RBFOX1: variants seen among roughly 807,000 people sequenced by gnomAD.
The protein encoded by RBFOX1 is RNA binding fox-1 homolog 1.
In RBFOX1, 8 loss-of-function variants were observed where a neutral mutation model predicts 57.7. That is an observed-to-expected ratio of 0.14 (90% CI 0.08 to 0.25). The LOEUF (loss-of-function observed/expected upper bound fraction) is 0.25. Ranked by LOEUF, RBFOX1 falls within the 10% of genes least tolerant of loss-of-function variation. RBFOX1 has a pLI of 1.00. For synonymous variants in RBFOX1, 326 were observed against 222.4 expected (o/e 1.47, Z -4.15); for missense variants, 611 against 548.5 (o/e 1.11, Z -1.14).
chr16:6,929,352 A>T (rs1201628858), intron 3 of RBFOX1, among the ~76,000 whole-genome samples: 1 of 152,186 alleles, frequency 6.6e-6, no homozygotes, highest in African/African-American at 2.4e-5. Context: ...GAATATAGGC[A>T]AGGTTAGAAT....
At chr16:5,246,053 G>A (rs1319700644) in intron 1 of RBFOX1, among the ~76,000 whole-genome samples, 1 of 152,120 alleles carries the variant, frequency 6.6e-6, no homozygotes, top group East Asian at 1.9e-4. Context: ...AGACCAGCCT[G>A]GCCAACATGG....
chr16:7,031,304 G>C (rs899911094), intron 3 of RBFOX1, among the ~76,000 whole-genome samples: 2 of 152,134 alleles, frequency 1.3e-5, no homozygotes, highest in African/African-American at 4.8e-5. Context: ...AGAGATAAAA[G>C]CAGTATCATG....
At chr16:7,705,048 GAAAAA>G (rs36086189) in intron 14 of RBFOX1, among the ~76,000 whole-genome samples, 6 of 129,848 alleles carry the variant, frequency 4.6e-5, no homozygotes, top group African/African-American at 1.4e-4. Flanking sequence ...TGTCTCAAAA[GAAAAA>G]AAAAAAAAAA....
intron 3 of RBFOX1, among the ~76,000 whole-genome samples, chr16:5,841,593 A>C (rs1435841791): frequency 6.6e-6 from 1 of 152,208 alleles, no homozygotes; most frequent in Non-Finnish European, 1.5e-5. Context: ...TAGCATAAGT[A>C]TATCTTTTCC....
chr16:6,146,922 C>A (rs1021774756), intron 1 of RBFOX1, among the ~76,000 whole-genome samples: 2 of 152,160 alleles, frequency 1.3e-5, no homozygotes, highest in African/African-American at 4.8e-5. Flanking sequence ...AGCATGGCAT[C>A]ACGTGGCTCT....
chr16:6,123,957 C>T (rs1029147824), intron 1 of RBFOX1, among the ~76,000 whole-genome samples: 2 of 152,086 alleles, frequency 1.3e-5, no homozygotes, highest in African/African-American at 4.8e-5. Flanking sequence ...GAAAAAAATA[C>T]AAGGAGAAAA....
At chr16:5,839,441 T>A (rs564079358) in intron 3 of RBFOX1, among the ~76,000 whole-genome samples, 1 of 152,300 alleles carries the variant, frequency 6.6e-6, no homozygotes, top group African/African-American at 2.4e-5. Flanking sequence ...CCTATTGGCA[T>A]TATCTGGTCC....
chr16:5,631,253 A>G (rs2048497275), intron 3 of RBFOX1, among the ~76,000 whole-genome samples: 1 of 152,176 alleles, frequency 6.6e-6, no homozygotes, highest in Non-Finnish European at 1.5e-5. Flanking sequence ...TCCAATCCTC[A>G]TGCACATTTA....
chr16:7,335,625 G>A (rs1429111297), intron 4 of RBFOX1, among the ~76,000 whole-genome samples: 1 of 147,044 alleles, frequency 6.8e-6, no homozygotes, highest in East Asian at 2.0e-4. Context: ...TGATTTACCA[G>A]TCATTTGGTG....
At chr16:6,571,983 G>A (rs1167895191) in intron 2 of RBFOX1, among the ~76,000 whole-genome samples, 1 of 152,088 alleles carries the variant, frequency 6.6e-6, no homozygotes, top group African/African-American at 2.4e-5. Flanking sequence ...ACAATTTGGT[G>A]ATAGCCTTTC....
At chr16:6,553,653 A>G (rs575623583) in intron 2 of RBFOX1, among the ~76,000 whole-genome samples, 7 of 152,180 alleles carry the variant, frequency 4.6e-5, no homozygotes, top group Non-Finnish European at 7.3e-5. Flanking sequence ...TCAGGACAGG[A>G]TGATAGAAAA....
chr16:7,480,016 TC>T (rs1224584981), intron 4 of RBFOX1, among the ~76,000 whole-genome samples: 2 of 152,166 alleles, frequency 1.3e-5, no homozygotes, highest in Non-Finnish European at 2.9e-5. Context: ...AGCCTGATGT[TC>T]CCCACCGATG....
At chr16:6,620,219 A>T (rs1482489626) in intron 2 of RBFOX1, among the ~76,000 whole-genome samples, 1 of 152,208 alleles carries the variant, frequency 6.6e-6, no homozygotes, top group Non-Finnish European at 1.5e-5. Context: ...GTTACATGGA[A>T]ATTGAATAAC....
chr16:7,585,662 A>T (rs2094072662), intron 6 of RBFOX1, among the ~76,000 whole-genome samples: 1 of 152,100 alleles, frequency 6.6e-6, no homozygotes, highest in African/African-American at 2.4e-5. Context: ...AACTATTTTT[A>T]TTTCAAGATT....
chr16:6,324,647 C>T (rs933674928), intron 2 of RBFOX1, among the ~76,000 whole-genome samples: 8 of 152,176 alleles, frequency 5.3e-5, no homozygotes, highest in African/African-American at 1.4e-4. Context: ...AAACTGCCCC[C>T]ATGATTTAAT....
chr16:6,666,321 G>A (rs952554095), intron 3 of RBFOX1, among the ~76,000 whole-genome samples: 2 of 152,104 alleles, frequency 1.3e-5, no homozygotes, highest in African/African-American at 4.8e-5. Flanking sequence ...ATCACCTGAG[G>A]TCAGGAGTTT....
chr16:7,254,563 C>T (rs1158691452), intron 4 of RBFOX1, among the ~76,000 whole-genome samples: 1 of 151,932 alleles, frequency 6.6e-6, no homozygotes, highest in Non-Finnish European at 1.5e-5. Context: ...TGTACCAACT[C>T]ATCATTGTGT....
chr16:5,883,310 ATC>A (rs1484927060), intron 4 of RBFOX1, among the ~76,000 whole-genome samples: 1 of 152,200 alleles, frequency 6.6e-6, no homozygotes, highest in Non-Finnish European at 1.5e-5. Context: ...AATCAGAAAA[ATC>A]TCTCTTACCC....
intron 2 of RBFOX1, among the ~76,000 whole-genome samples, chr16:6,561,965 C>T (rs561205985): frequency 6.6e-6 from 1 of 152,166 alleles, no homozygotes; most frequent in African/African-American, 2.4e-5. Context: ...TCACATCATC[C>T]ACCTAGATCT....
Sources: allele counts gnomAD v4.1 joint callset (sites outside exome capture counted in the v4.1 genomes callset), GRCh38; gene constraint gnomAD v4.1.1; transcripts MANE v1.5; gene names NCBI Gene and HGNC (gene_info 2026-07-23, HGNC 2026-07-21).